PRKCH: variants seen among roughly 807,000 people sequenced by gnomAD.
The protein encoded by PRKCH is protein kinase C eta type.
A neutral mutation model predicts 82.5 loss-of-function variants in PRKCH; 28 were observed. That is an observed-to-expected ratio of 0.34 (90% CI 0.25 to 0.47). PRKCH has a LOEUF of 0.47. Among genes scored for constraint, PRKCH ranks in the 20% least tolerant of loss-of-function variants. The pLI is 1.00. For missense variants in PRKCH, 705 were observed against 881.8 expected (o/e 0.80, Z 2.54); for synonymous variants, 322 against 327.4 (o/e 0.98, Z 0.18).
intron 2 of PRKCH, among the ~76,000 whole-genome samples, chr14:61,394,720 G>T (rs2046746503): frequency 1.3e-5 from 2 of 152,194 alleles, no homozygotes; most frequent in African/African-American, 4.8e-5. Flanking sequence ...GTGATAATAA[G>T]AATGAAATGG....
In PRKCH at chr14:61,280,676, G is replaced by C; in HGVS notation, c.-19+93008G>C. 5 of 1,573,926 alleles carry C rather than the reference G, an allele frequency of 3.2e-6. No homozygotes were observed. Among genetic ancestry groups the C allele is most frequent in the Non-Finnish European group, 4.3e-6 (5 of 1,161,802 alleles). ...GCGATGGCGCCGCAGGGCGCGATGG[G>C]CAGGCCGGCCGCGCTGCGCTGGTAG... On this transcript the variant is annotated intron_variant, in intron 1 of 3. Transcript: ENST00000555185. This position sits in a 1 kb window ranked among gnomAD's most constrained non-coding sequence, Gnocchi z 5.0.
At chr14:61,422,559 G>A (rs764284879) in intron 2 of PRKCH, among the ~76,000 whole-genome samples, 4 of 152,042 alleles carry the variant, frequency 2.6e-5, no homozygotes, top group Non-Finnish European at 4.4e-5. Context: ...TTCAATTCAG[G>A]CATCACTGTC....
intron 1 of PRKCH, among the ~76,000 whole-genome samples, chr14:61,297,270 T>G (rs1293124468): frequency 1.3e-5 from 2 of 152,196 alleles, no homozygotes; most frequent in African/African-American, 4.8e-5. Context: ...AATGTTACAG[T>G]TTATTAAGGA....
intron 9 of PRKCH, among the ~76,000 whole-genome samples, chr14:61,473,346 G>C (rs766931747): frequency 5.3e-5 from 8 of 152,152 alleles, no homozygotes; most frequent in Non-Finnish European, 7.4e-5. Flanking sequence ...TTAAGTGAGG[G>C]AGTAACATAA....
At chr14:61,210,306 T>G (rs1007561234) in intron 1 of PRKCH, among the ~76,000 whole-genome samples, 3 of 151,360 alleles carry the variant, frequency 2.0e-5, no homozygotes, top group Admixed American at 6.6e-5. Context: ...AGAGCTAGAC[T>G]CGGTCTCAGA....
intron 1 of PRKCH, among the ~76,000 whole-genome samples, chr14:61,232,161 A>G (rs1056678356): frequency 2.0e-4 from 30 of 152,332 alleles, no homozygotes; most frequent in African/African-American, 6.5e-4. Context: ...CGGTTTGAGT[A>G]ATTTGTTAGA....
At chr14:61,292,405 C>T (rs1410000345) in intron 1 of PRKCH, among the ~76,000 whole-genome samples, 1 of 152,024 alleles carries the variant, frequency 6.6e-6, no homozygotes, top group Non-Finnish European at 1.5e-5. Context: ...TTGCTTGAGC[C>T]CAGGAAGTCA....
chr14:61,319,525 G>C (rs1385841923), upstream of PRKCH, among the ~76,000 whole-genome samples: 3 of 152,164 alleles, frequency 2.0e-5, no homozygotes, highest in African/African-American at 7.2e-5. Flanking sequence ...TCCCAGGACA[G>C]CTGTGTGGCC....
At chr14:61,525,955 G>A (rs1191625424) in intron 10 of PRKCH, 6 of 152,262 alleles carry the variant, frequency 3.9e-5, no homozygotes, top group Non-Finnish European at 7.3e-5. Context: ...CCTCAGCCAG[G>A]CGCCTCTCTA....
At chr14:61,261,820 T>C (rs1419209885) in intron 1 of PRKCH, among the ~76,000 whole-genome samples, 2 of 152,092 alleles carry the variant, frequency 1.3e-5, no homozygotes, top group Non-Finnish European at 2.9e-5. Context: ...AAACTGGCAG[T>C]TTCTCATAAA....
chr14:61,238,501 G>C (rs1010292262), intron 1 of PRKCH, among the ~76,000 whole-genome samples: 2 of 152,102 alleles, frequency 1.3e-5, no homozygotes, highest in Non-Finnish European at 1.5e-5. Context: ...AATGTTGCAG[G>C]ACCAGCTGGG....
chr14:61,202,456 G>C (rs1315174655), intron 1 of PRKCH, among the ~76,000 whole-genome samples: 1 of 152,296 alleles, frequency 6.6e-6, no homozygotes, highest in African/African-American at 2.4e-5. Context: ...GGAGGTATTT[G>C]AAAGGTATTG....
chr14:61,380,368 A>G (rs2046487077), intron 1 of PRKCH, among the ~76,000 whole-genome samples: 1 of 152,104 alleles, frequency 6.6e-6, no homozygotes, highest in Non-Finnish European at 1.5e-5. Flanking sequence ...TTGGGATTTC[A>G]GGTGTGAGCC....
rs79464963 is a variant in PRKCH at position 61,533,472 on chromosome 14, A to C, written c.1761+2877A>C. 7.9e-4 allele frequency among the ~76,000 whole-genome samples: 121 copies of C among 152,360 alleles called. 4 individuals carry two copies. The East Asian group carries it at 0.023, about 28-fold the overall frequency. The stretch of plus-strand genomic sequence containing the variant: ...GATCAAAGAGAAAAAAGAAATGTTC[A>C]GAGCACTCAAGACTTGAGGAGACAC... On this transcript the variant is annotated intron_variant, in intron 12 of 13. Coordinates refer to ENST00000332981, the MANE Select transcript of PRKCH (RefSeq NM_006255.5).
At chr14:61,219,930 T>C (rs570260850) in intron 1 of PRKCH, among the ~76,000 whole-genome samples, 1 of 152,314 alleles carries the variant, frequency 6.6e-6, no homozygotes, top group African/African-American at 2.4e-5. Context: ...CAGATGAATT[T>C]AGTATGTAAG....
At chr14:61,308,062 A>T (rs1594902207) in intron 1 of PRKCH, among the ~76,000 whole-genome samples, 1 of 150,566 alleles carries the variant, frequency 6.6e-6, no homozygotes, top group African/African-American at 2.4e-5. Flanking sequence ...CTTGTCTTGA[A>T]CTCCTGGCTT....
At position 61,467,696 on chromosome 14, in the gene PRKCH, C is replaced by G. The variant is rs558198859; in HGVS notation, c.1278+10017C>G. 2.0e-5 allele frequency among the ~76,000 whole-genome samples: 3 copies of G among 152,288 alleles called. No homozygotes were observed. The South Asian group carries it at 6.2e-4, about 32-fold the overall frequency. On this transcript the variant is annotated intron_variant, in intron 9 of 13. Transcript: ENST00000332981. ...CATGCCTTGGGGTAGTTGGTTGATT[C>G]CTGGGGACTGAATGGTGCCCACTTT...
chr14:61,386,822 G>A (rs1004303891), intron 1 of PRKCH, among the ~76,000 whole-genome samples: 1 of 152,134 alleles, frequency 6.6e-6, no homozygotes, highest in Non-Finnish European at 1.5e-5. Flanking sequence ...AATTGTTGTC[G>A]AATATTTGAC....
chr14:61,437,867 C>A (rs900271488), intron 2 of PRKCH, among the ~76,000 whole-genome samples: 8 of 151,848 alleles, frequency 5.3e-5, no homozygotes, highest in African/African-American at 1.5e-4. Flanking sequence ...GAGGCCGAGG[C>A]AGGAGGATCA....
Sources: gnomAD v4.1 joint callset for allele counts (sites outside exome capture counted in the v4.1 genomes callset) on GRCh38, gnomAD v4.1.1 for gene constraint, Gnocchi (gnomAD v3.1) non-coding constraint, MANE v1.5 for transcripts, NCBI Gene and HGNC (gene_info 2026-07-23, HGNC 2026-07-21) for gene names.